GPHN: variants seen among roughly 807,000 people sequenced by gnomAD.
GPHN encodes the protein gephyrin.
In GPHN, 17 loss-of-function variants were observed where a neutral mutation model predicts 95.5. The observed-to-expected ratio is 0.18, with a 90% CI of 0.12 to 0.27. The LOEUF (loss-of-function observed/expected upper bound fraction) is 0.27, where lower values mean the gene tolerates loss of function less well. GPHN is among the 10% of genes least tolerant of loss of function. The pLI, the probability that GPHN is intolerant of heterozygous loss-of-function variation, is 1.00. For synonymous variants in GPHN, 320 were observed against 322.5 expected (o/e 0.99, Z 0.08); for missense variants, 660 against 978.1 (o/e 0.67, Z 4.34).
chr14:67,040,950 T>G (rs1196644782), intron 10 of GPHN, among the ~76,000 whole-genome samples: 1 of 152,202 alleles, frequency 6.6e-6, no homozygotes, highest in Non-Finnish European at 1.5e-5. Context: ...AGGGATATAC[T>G]TTGAGACCAG....
At chr14:66,698,676 T>C (rs1385266729) in intron 2 of GPHN, among the ~76,000 whole-genome samples, 6 of 152,098 alleles carry the variant, frequency 3.9e-5, no homozygotes, top group South Asian at 2.1e-4. Flanking sequence ...AACAGCAGAG[T>C]TGAGTAGTTT....
chr14:67,433,376 C>T, the GPHN span, among the ~76,000 whole-genome samples: 343 of 152,110 alleles, frequency 2.3e-3, 2 homozygotes, highest in African/African-American at 7.9e-3. Flanking sequence ...GGCTTATTCA[C>T]ACACAAAAAT....
chr14:67,592,702 T>C, the GPHN span: 1 of 1,598,152 alleles, frequency 6.3e-7, no homozygotes, highest in Non-Finnish European at 8.6e-7. Flanking sequence ...GATGCAGAGG[T>C]AGTAAATCAC....
intron 2 of GPHN, among the ~76,000 whole-genome samples, chr14:66,726,459 A>T (rs1048454173): frequency 2.0e-5 from 3 of 152,222 alleles, no homozygotes; most frequent in Admixed American, 2.0e-4. Context: ...TCATTTATGA[A>T]TCCTTTTAAT....
chr14:67,330,755 C>T, the GPHN span, among the ~76,000 whole-genome samples: 6 of 152,062 alleles, frequency 3.9e-5, no homozygotes, highest in African/African-American at 9.7e-5. Flanking sequence ...CCCGGCACCC[C>T]GCTTCCTTGT....
chr14:67,208,925 A>AG, the GPHN span, among the ~76,000 whole-genome samples: 1 of 151,890 alleles, frequency 6.6e-6, no homozygotes, highest in Non-Finnish European at 1.5e-5. Flanking sequence ...GAAAAAAAAA[A>AG]GAAGCACGGA....
intron 1 of GPHN, among the ~76,000 whole-genome samples, chr14:66,636,958 C>T (rs1353068449): frequency 7.2e-5 from 11 of 152,118 alleles, no homozygotes; most frequent in South Asian, 2.1e-4. Context: ...AATTTCACAA[C>T]GCTACTCTTA....
intron 2 of GPHN, among the ~76,000 whole-genome samples, chr14:66,744,452 A>G (rs1003995807): frequency 3.3e-5 from 5 of 152,222 alleles, no homozygotes; most frequent in Non-Finnish European, 5.9e-5. Context: ...GTGTGTTTGT[A>G]TATGAGAATG....
chr14:67,454,483 G>C, the GPHN span: 1 of 152,072 alleles, frequency 6.6e-6, no homozygotes, highest in African/African-American at 2.4e-5. Flanking sequence ...TGTCAGCTGG[G>C]GCTTCCTGAG....
chr14:67,545,879 C>T, the GPHN span, among the ~76,000 whole-genome samples: 1 of 152,008 alleles, frequency 6.6e-6, no homozygotes, highest in Non-Finnish European at 1.5e-5. Flanking sequence ...ATCCCAGATC[C>T]GTGCTCATGG....
the GPHN span, chr14:67,503,342 T>A: frequency 6.6e-6 from 1 of 152,036 alleles, no homozygotes; most frequent in African/African-American, 2.4e-5. Flanking sequence ...GGGGTGGGCG[T>A]GTGTATGCCA....
At chr14:67,096,615 T>A (rs934795577) in intron 12 of GPHN, among the ~76,000 whole-genome samples, 4 of 150,056 alleles carry the variant, frequency 2.7e-5, no homozygotes. Context: ...ATCAAAGCAG[T>A]CTTTTTTTTT....
At chr14:67,391,231 A>G in the GPHN span, among the ~76,000 whole-genome samples, 3 of 151,628 alleles carry the variant, frequency 2.0e-5, no homozygotes, top group African/African-American at 7.3e-5. Context: ...GCAAGAAACG[A>G]TCAATTATAT....
chr14:66,961,902 A>ATATATATATATATGTG (rs2068938089), intron 8 of GPHN, among the ~76,000 whole-genome samples: 5 of 41,784 alleles, frequency 1.2e-4, no homozygotes, highest in African/African-American at 2.4e-4. Flanking sequence ...CTGAATGTGT[A>ATATATATATATATGTG]TATATATATA....
intron 8 of GPHN, among the ~76,000 whole-genome samples, chr14:66,944,933 C>T (rs1174784689): frequency 2.6e-5 from 4 of 152,238 alleles, no homozygotes; most frequent in East Asian, 3.9e-4. Context: ...GTCCATCTTG[C>T]GCATGCCTGC....
At chr14:67,008,606 G>A (rs185150133) in intron 9 of GPHN, among the ~76,000 whole-genome samples, 8 of 151,604 alleles carry the variant, frequency 5.3e-5, no homozygotes, top group Admixed American at 1.3e-4. Flanking sequence ...GTGCAGTGGC[G>A]CAGTCTTGGC....
the GPHN span, among the ~76,000 whole-genome samples, chr14:67,633,079 G>A: frequency 2.0e-5 from 3 of 151,738 alleles, no homozygotes; most frequent in African/African-American, 4.8e-5. Flanking sequence ...CTCGGCCTCC[G>A]AAAGTGCTGG....
In GPHN at chr14:67,071,338, A is replaced by G. The variant is rs527851699; in HGVS notation, c.1144+12552A>G. On this transcript the variant is annotated intron_variant, in intron 11 of 22. Transcript: ENST00000478722. ...ATGAGTTCATGTTCTTTGTAGGGAC[A>G]TGAATGAAGCTGGAAACCATCATTC... Among the ~76,000 whole-genome samples the G allele has an allele frequency of 9.2e-5, 14 of 152,356 alleles. No homozygotes were observed. In the East Asian group the frequency reaches 2.3e-3, roughly 25 times the overall value.
At chr14:67,108,752 T>TGG (rs2078193469) in intron 13 of GPHN, among the ~76,000 whole-genome samples, 5 of 149,876 alleles carry the variant, frequency 3.3e-5, no homozygotes, top group African/African-American at 7.4e-5. Context: ...TGTGTGTGTG[T>TGG]GGTTTATTTT....
Sources: gnomAD v4.1 joint callset for allele counts (sites outside exome capture counted in the v4.1 genomes callset) on GRCh38, gnomAD v4.1.1 for gene constraint, MANE v1.5 for transcripts, NCBI Gene and HGNC (gene_info 2026-07-23, HGNC 2026-07-21) for gene names.